The following DLGAP1 variants were observed in gnomAD, a reference collection of about 807,000 sequenced individuals.
DLGAP1 encodes disks large-associated protein 1.
Under a neutral mutation model 90.8 loss-of-function variants are expected in DLGAP1, and 11 were observed. The ratio of observed to expected loss-of-function variants is 0.12; its 90% CI spans 0.08 to 0.20. DLGAP1 has a LOEUF of 0.20. Among genes scored for constraint, DLGAP1 ranks in the 10% least tolerant of loss-of-function variants. The pLI, the probability that DLGAP1 is intolerant of heterozygous loss-of-function variation, is 1.00. For missense variants in DLGAP1, 1,050 were observed against 1,333.8 expected (o/e 0.79, Z 3.31); for synonymous variants, 558 against 540.7 (o/e 1.03, Z -0.44).
At chr18:3,909,744 T>G (rs1262112249) in intron 3 of DLGAP1, among the ~76,000 whole-genome samples, 1 of 152,194 alleles carries the variant, frequency 6.6e-6, no homozygotes, top group Non-Finnish European at 1.5e-5. Flanking sequence ...ACACCACTGG[T>G]TGGTTGTTGT....
chr18:3,875,856 A>G (rs2070987313), intron 4 of DLGAP1, among the ~76,000 whole-genome samples: 1 of 152,166 alleles, frequency 6.6e-6, no homozygotes, highest in East Asian at 1.9e-4. Flanking sequence ...GGAGGTCCAG[A>G]GAGCTGAAAG....
At chr18:3,776,191 G>A (rs1315938625) in intron 5 of DLGAP1, among the ~76,000 whole-genome samples, 1 of 152,198 alleles carries the variant, frequency 6.6e-6, no homozygotes, top group Admixed American at 6.5e-5. Context: ...GCACTGAATG[G>A]AAAACAGCAT....
intron 1 of DLGAP1, among the ~76,000 whole-genome samples, chr18:4,410,249 C>T (rs976329497): frequency 3.9e-5 from 6 of 152,056 alleles, no homozygotes; most frequent in Admixed American, 3.9e-4. Flanking sequence ...CAAATCTTCA[C>T]TAAAGAACTC....
At chr18:3,833,244 G>GT (rs1285190005) in intron 4 of DLGAP1, among the ~76,000 whole-genome samples, 26 of 112,500 alleles carry the variant, frequency 2.3e-4, no homozygotes, top group African/African-American at 6.6e-4. Context: ...CTTCCTCCTT[G>GT]TTTTTTTTTG....
rs189338301 is a variant in DLGAP1 at position 3,586,168 on chromosome 18, C to A, written c.1592-3920G>T. 2.6e-5 allele frequency among the ~76,000 whole-genome samples: 4 copies of A among 152,266 alleles called. No individual in the cohort carries two copies. In the East Asian group the frequency reaches 7.7e-4, roughly 29 times the overall value. ...GACATGGCTTCTCCAACAGGGTGGT[C>A]CAGCCCCCAACACCCAAAGAAGATA... On this transcript the variant is annotated intron_variant, in intron 7 of 12. Transcript: ENST00000315677.
rs747411728 is a variant in DLGAP1 at position 3,879,384 on chromosome 18, C to G, written c.685G>C (p.Asp229His). 6.2e-7 allele frequency: 1 copy of G among 1,613,178 alleles called. No homozygotes were observed. The highest frequency in any genetic ancestry group is 1.7e-5 in the Admixed American group (1 of 59,998). The change falls in exon 4 of 13, where the codon GAC (aspartate) becomes CAC (histidine). Residue 229 changes from aspartate (D) to histidine (H), a missense_variant. Asp to His is a moderately conservative substitution (Grantham distance 81). Coordinates refer to ENST00000315677, the MANE Select transcript of DLGAP1 (RefSeq NM_004746.4). The surrounding 1 kb of genome is among the most constrained non-coding windows in gnomAD (Gnocchi z 6.6). The stretch of plus-strand genomic sequence containing the variant: ...AGGAAGTACTGTGAGGCCGAGCGGT[C>G]GGGGCACCTGCCCATGGTCATCACG... The part of the protein sequence containing the change: ...SGVMTMGRCP[D>H]RSASQYFLEA...
At chr18:3,815,801 T>C (rs769431235) in intron 4 of DLGAP1, among the ~76,000 whole-genome samples, 13 of 152,120 alleles carry the variant, frequency 8.5e-5, no homozygotes, top group Non-Finnish European at 1.3e-4. Context: ...CATTAAGAAG[T>C]AACATAGCAA....
At chr18:3,783,304 T>C (rs2065287474) in intron 5 of DLGAP1, among the ~76,000 whole-genome samples, 1 of 152,204 alleles carries the variant, frequency 6.6e-6, no homozygotes, top group Non-Finnish European at 1.5e-5. Flanking sequence ...CCTAGCTATA[T>C]ACTTGGGAGG....
chr18:3,693,495 C>T (rs1396387542), intron 7 of DLGAP1, among the ~76,000 whole-genome samples: 2 of 152,214 alleles, frequency 1.3e-5, no homozygotes, highest in African/African-American at 4.8e-5. Context: ...TGGGCAGAAA[C>T]ATGTTAGAAA....
intron 7 of DLGAP1, among the ~76,000 whole-genome samples, chr18:3,701,571 G>A (rs2061280991): frequency 1.3e-5 from 2 of 152,240 alleles, no homozygotes; most frequent in African/African-American, 4.8e-5. Flanking sequence ...GAGATTAGAA[G>A]TTGTTGGAGA....
chr18:4,420,778 C>T (rs1436130542), intron 1 of DLGAP1, among the ~76,000 whole-genome samples: 1 of 152,188 alleles, frequency 6.6e-6, no homozygotes, highest in Non-Finnish European at 1.5e-5. Context: ...CATCTTGTTC[C>T]ACTTCCTTAA....
chr18:3,556,758 C>G (rs544113143), intron 9 of DLGAP1, among the ~76,000 whole-genome samples: 3 of 152,262 alleles, frequency 2.0e-5, no homozygotes, highest in African/African-American at 7.2e-5. Flanking sequence ...GTTTTCAATT[C>G]ATGTGGATAA....
intron 3 of DLGAP1, among the ~76,000 whole-genome samples, chr18:3,995,884 A>AT (rs1056881422): frequency 3.3e-5 from 5 of 151,928 alleles, no homozygotes; most frequent in East Asian, 1.9e-4. Context: ...AGCTGGAATG[A>AT]TTTTTTTTCA....
chr18:3,531,599 C>G (rs190536333), intron 10 of DLGAP1, among the ~76,000 whole-genome samples: 1 of 152,226 alleles, frequency 6.6e-6, no homozygotes, highest in East Asian at 1.9e-4. Flanking sequence ...TTCTCTGCCT[C>G]AGCCTCCCGA....
intron 1 of DLGAP1, among the ~76,000 whole-genome samples, chr18:4,255,445 T>C (rs1053847567): frequency 2.0e-5 from 3 of 151,566 alleles, no homozygotes; most frequent in Non-Finnish European, 4.4e-5. Context: ...TTTGCAACTC[T>C]ATGTATATAC....
chr18:3,605,914 T>C (rs1036950680), intron 7 of DLGAP1, among the ~76,000 whole-genome samples: 1 of 152,148 alleles, frequency 6.6e-6, no homozygotes, highest in Non-Finnish European at 1.5e-5. Context: ...ACTAACAAGT[T>C]TGTGTGAAAG....
At chr18:3,746,955 T>C (rs928684252) in intron 5 of DLGAP1, among the ~76,000 whole-genome samples, 3 of 152,228 alleles carry the variant, frequency 2.0e-5, no homozygotes, top group Non-Finnish European at 4.4e-5. Flanking sequence ...ACCCTGAGAA[T>C]GTGATAAGCA....
intron 10 of DLGAP1, among the ~76,000 whole-genome samples, chr18:3,527,265 C>G (rs1008828763): frequency 6.6e-6 from 1 of 152,142 alleles, no homozygotes; most frequent in Non-Finnish European, 1.5e-5. Context: ...AATGACATCA[C>G]AAAATAATTA....
chr18:3,791,891 A>G lies in DLGAP1; in HGVS notation c.1172+22168T>C, dbSNP rs535871288. ...TGTGCCACTGCACTCCAGCCTAAGC[A>G]ACAGAGCGAGATTCTGCATTTAAAA... On this transcript the variant is annotated intron_variant, in intron 5 of 12. Transcript: ENST00000315677. 2.6e-5 allele frequency among the ~76,000 whole-genome samples: 4 copies of G among 152,268 alleles called. No individual in the cohort carries two copies. The South Asian group carries it at 6.2e-4, about 24-fold the overall frequency.
Sources: gnomAD v4.1 joint callset for allele counts (sites outside exome capture counted in the v4.1 genomes callset) on GRCh38, gnomAD v4.1.1 for gene constraint, Gnocchi (gnomAD v3.1) non-coding constraint, MANE v1.5 for transcripts, NCBI Gene and HGNC (gene_info 2026-07-23, HGNC 2026-07-21) for gene names.